Variants in NXPE4 observed in about 807,000 individuals in gnomAD.
NXPE4 encodes NXPE family member 4.
Under a neutral mutation model 33.3 loss-of-function variants are expected in NXPE4, and 42 were observed. The ratio of observed to expected loss-of-function variants is 1.26; its 90% CI spans 0.98 to 1.63. The LOEUF (loss-of-function observed/expected upper bound fraction) is 1.63. NXPE4 is among the 40% of genes most tolerant of loss of function. The probability of loss-of-function intolerance (pLI) is 0.00; values close to 1 mark genes in which losing one functional copy is unlikely to be tolerated. For synonymous variants in NXPE4, 253 were observed against 234.9 expected (o/e 1.08, Z -0.71); for missense variants, 709 against 647.6 (o/e 1.09, Z -1.03).
chr11:114,582,556 C>G lies in NXPE4; in HGVS notation c.562G>C (p.Val188Leu). ...TTCCTTGCACTCCAGAGAGCTGACA[C>G]CCCTTCACTGGGGTGGATGAGCAGC... ...SLLLIHPSEG[V>L]SALWSARNQG... The change falls in exon 3 of 6, where the codon GTG (valine) becomes CTG (leucine). Residue 188 changes from valine (V) to leucine (L), a missense_variant. Transcript: ENST00000375478. 1 of 1,614,194 alleles carries G rather than the reference C, an allele frequency of 6.2e-7. No individual in the cohort carries two copies. The highest frequency in any genetic ancestry group is 8.5e-7 in the Non-Finnish European group (1 of 1,180,012).
the NXPE4 span, among the ~76,000 whole-genome samples, chr11:114,642,783 C>T: frequency 6.6e-6 from 1 of 152,020 alleles, no homozygotes. Context: ...ATACCCAGTA[C>T]TGGGCTTGCT....
chr11:114,634,304 A>C, the NXPE4 span, among the ~76,000 whole-genome samples: 1 of 151,468 alleles, frequency 6.6e-6, no homozygotes, highest in African/African-American at 2.4e-5. Context: ...ACTTTTTGAT[A>C]GAGTTGTTTG....
the NXPE4 span, among the ~76,000 whole-genome samples, chr11:114,661,041 T>C: frequency 6.6e-6 from 1 of 152,174 alleles, no homozygotes; most frequent in African/African-American, 2.4e-5. Context: ...AATACTTATG[T>C]GTAAATCTAA....
chr11:114,670,892 G>A, the NXPE4 span, among the ~76,000 whole-genome samples: 24 of 151,340 alleles, frequency 1.6e-4, no homozygotes, highest in African/African-American at 5.8e-4. Flanking sequence ...CCTCTGAGAG[G>A]GCCAAGTTGT....
intron 5 of NXPE4, among the ~76,000 whole-genome samples, chr11:114,572,514 A>G (rs1184690114): frequency 6.6e-6 from 1 of 152,240 alleles, no homozygotes; most frequent in East Asian, 1.9e-4. Flanking sequence ...GATAGTATAA[A>G]TAAAAAACAA....
At chr11:114,619,090 A>T in the NXPE4 span, among the ~76,000 whole-genome samples, 45 of 152,096 alleles carry the variant, frequency 3.0e-4, no homozygotes, top group African/African-American at 1.1e-3. Context: ...CATCATGGGT[A>T]ACCACTGTTG....
At chr11:114,605,545 C>G in the NXPE4 span, among the ~76,000 whole-genome samples, 26 of 151,874 alleles carry the variant, frequency 1.7e-4, no homozygotes, top group African/African-American at 6.0e-4. Context: ...AATGTGTTGC[C>G]TCATGGGTAA....
In NXPE4 at chr11:114,582,421, G is replaced by T. The variant is rs763144364; in HGVS notation, c.697C>A (p.Leu233Met). Residue 233 changes from leucine (L) to methionine (M), a missense_variant, in exon 3 of 6, where the codon CTG becomes ATG. Transcript: ENST00000375478. ...AAGCCTTCTTGGTCTCTGTTGTCCAGGTACTGGCACAATTCAGCATTTGTG... is the reference window on the plus strand; with the variant it reads ...AAGCCTTCTTGGTCTCTGTTGTCCATGTACTGGCACAATTCAGCATTTGTG... ...LNTNAELCQY[L>M]DNRDQEGFYC... 1 of 1,614,158 alleles carries T rather than the reference G, an allele frequency of 6.2e-7. No individual in the cohort carries two copies. Among genetic ancestry groups the T allele is most frequent in the Non-Finnish European group, 8.5e-7 (1 of 1,180,000 alleles).
upstream of NXPE4, among the ~76,000 whole-genome samples, chr11:114,600,446 A>T (rs939095551): frequency 7.2e-5 from 11 of 152,184 alleles, no homozygotes; most frequent in Non-Finnish European, 2.9e-5. Flanking sequence ...ATAAGACACA[A>T]ATGCTGTACT....
the NXPE4 span, among the ~76,000 whole-genome samples, chr11:114,660,656 T>G: frequency 6.6e-6 from 1 of 152,112 alleles, no homozygotes; most frequent in Non-Finnish European, 1.5e-5. Flanking sequence ...TGATATCATG[T>G]TCAATGGTGA....
chr11:114,675,050 A>G, the NXPE4 span, among the ~76,000 whole-genome samples: 2 of 151,858 alleles, frequency 1.3e-5, no homozygotes, highest in Non-Finnish European at 2.9e-5. Context: ...CAGGATAAAA[A>G]TCATATCATC....
At chr11:114,636,447 T>C in the NXPE4 span, among the ~76,000 whole-genome samples, 9 of 152,194 alleles carry the variant, frequency 5.9e-5, no homozygotes, top group Middle Eastern at 6.8e-3. Flanking sequence ...AAGGGTTTTT[T>C]GTGTCTCTAT....
chr11:114,635,933 G>C, the NXPE4 span, among the ~76,000 whole-genome samples: 7 of 151,846 alleles, frequency 4.6e-5, no homozygotes, highest in Non-Finnish European at 8.8e-5. Context: ...TCTCTTTTTT[G>C]GTGGTTTCTC....
At chr11:114,663,637 C>CTATCTATCATCTATCTATCATCT in the NXPE4 span, among the ~76,000 whole-genome samples, 1,616 of 138,786 alleles carry the variant, frequency 0.012, 20 homozygotes, top group East Asian at 0.015. Flanking sequence ...ATCTATCTAT[C>CTATCTATCATCTATCTATCATCT]ATCTATCCAT....
At chr11:114,623,097 T>C in the NXPE4 span, among the ~76,000 whole-genome samples, 1 of 152,260 alleles carries the variant, frequency 6.6e-6, no homozygotes, top group South Asian at 2.1e-4. Flanking sequence ...TAATTAGCGT[T>C]GCCTGGCGGA....
chr11:114,634,834 G>T, the NXPE4 span, among the ~76,000 whole-genome samples: 1 of 151,906 alleles, frequency 6.6e-6, no homozygotes, highest in African/African-American at 2.4e-5. Context: ...TCTCTGTTTT[G>T]GTATCAGTGC....
At chr11:114,647,993 G>A in the NXPE4 span, among the ~76,000 whole-genome samples, 1 of 152,000 alleles carries the variant, frequency 6.6e-6, no homozygotes, top group Non-Finnish European at 1.5e-5. Flanking sequence ...AGCCACTGTT[G>A]CCGGCCGACT....
the NXPE4 span, among the ~76,000 whole-genome samples, chr11:114,671,415 C>T: frequency 6.6e-6 from 1 of 151,846 alleles, no homozygotes; most frequent in Admixed American, 6.6e-5. Flanking sequence ...TAATGAAGAA[C>T]ATTAATCTAT....
At chr11:114,573,196 C>A (rs1030176554) in intron 5 of NXPE4, among the ~76,000 whole-genome samples, 4 of 152,058 alleles carry the variant, frequency 2.6e-5, no homozygotes, top group Admixed American at 1.3e-4. Context: ...ACAATAACTA[C>A]TAAAAGGAGC....
Sources: gnomAD v4.1 joint callset for allele counts (sites outside exome capture counted in the v4.1 genomes callset) on GRCh38, gnomAD v4.1.1 for gene constraint, MANE v1.5 for transcripts, NCBI Gene and HGNC (gene_info 2026-07-23, HGNC 2026-07-21) for gene names.